The following LACC1 variants were observed in gnomAD, a reference collection of about 807,000 sequenced individuals.
LACC1 encodes the protein laccase domain multifunctional purine nucleosidase 1, also known as purine nucleoside phosphorylase LACC1.
LACC1 carries 25 observed loss-of-function variants against 34.8 expected under a neutral mutation model. That is an observed-to-expected ratio of 0.72 (90% CI 0.52 to 1.00). The LOEUF is 1.00. LACC1 is among the 50% of genes least tolerant of loss of function. The pLI, the probability that LACC1 is intolerant of heterozygous loss-of-function variation, is 0.00. For missense variants in LACC1, 426 were observed against 511.2 expected (o/e 0.83, Z 1.61); for synonymous variants, 162 against 168.0 (o/e 0.96, Z 0.28).
intron 4 of LACC1, among the ~76,000 whole-genome samples, chr13:43,887,974 G>T (rs1241863593): frequency 6.6e-6 from 1 of 152,046 alleles, no homozygotes; most frequent in Non-Finnish European, 1.5e-5. Flanking sequence ...CTGAAATCAG[G>T]AACTCAAAGA....
chr13:43,879,344 C>T (rs12868462), upstream of LACC1: 57,041 of 154,140 alleles, frequency 0.37, 12,867 homozygotes, highest in Non-Finnish European at 0.52. Flanking sequence ...GCCGCCCTAT[C>T]CCTCCTCAAG....
Position 43,892,060 on chromosome 13 carries a change from A to C in LACC1, c.*613A>C, listed in dbSNP as rs1955587719. ...AAACTGAAAGTGCATAACATATTCTAGAGAGAGAAGGGTGTGGGCATGAGT... is the reference window on the plus strand; with the variant it reads ...AAACTGAAAGTGCATAACATATTCTCGAGAGAGAAGGGTGTGGGCATGAGT... On this transcript the variant is annotated 3_prime_UTR_variant, in exon 7 of 7. Transcript: ENST00000325686. The C allele has an allele frequency of 6.6e-6, 1 of 152,050 alleles. No individual in the cohort carries two copies. Among genetic ancestry groups the C allele is most frequent in the African/African-American group, 2.4e-5 (1 of 41,404 alleles). The allele number at this position is 152,050 out of a possible 1,614,324, so 9.4% of individuals were successfully genotyped here.
chr13:43,888,064 T>G (rs1955409650), intron 4 of LACC1, among the ~76,000 whole-genome samples: 1 of 152,122 alleles, frequency 6.6e-6, no homozygotes, highest in African/African-American at 2.4e-5. Flanking sequence ...CATTGGTAGA[T>G]GAATGGATAA....
rs139750683 is a variant in LACC1, at chr13:43,890,972, G to A, written c.*2-477G>A. 4.6e-5 allele frequency among the ~76,000 whole-genome samples: 7 copies of A among 152,312 alleles called. No homozygotes were observed. In the East Asian group the frequency reaches 1.2e-3, roughly 25 times the overall value. ...AAAACTTTGTTTACAAAAATCAGGC[G>A]AGGGAGCCAGGCACAGTGGCCCTGC... On this transcript the variant is annotated intron_variant, in intron 6 of 6. Coordinates refer to ENST00000325686, the MANE Select transcript of LACC1 (RefSeq NM_153218.4).
At chr13:43,886,788 T>C (rs961977211) in intron 4 of LACC1, among the ~76,000 whole-genome samples, 4 of 152,148 alleles carry the variant, frequency 2.6e-5, no homozygotes, top group African/African-American at 9.7e-5. Context: ...CTTTAAAATA[T>C]AATATAATTA....
In LACC1 at chr13:43,890,228, C is replaced by T. The variant is rs749842386; in HGVS notation, c.1248C>T (p.Gly416=). ...PDKFFSHVRD[G]LNFGTQIGFI... is the part of the protein sequence containing the mutation. ...AGTTTTTCTCCCATGTCCGAGATGG[C>T]CTTAATTTTGGTACACAGATTGGCT... The change falls in exon 6 of 7, where the codon GGC becomes GGT. Residue 416 remains glycine, a synonymous_variant. Coordinates refer to ENST00000325686, the MANE Select transcript of LACC1 (RefSeq NM_153218.4). 9.9e-6 allele frequency: 16 copies of T among 1,613,528 alleles called. No individual in the cohort carries two copies.
intron 6 of LACC1, 67 bp from the exon 7 acceptor site, chr13:43,891,382 G>C (rs1231761027): frequency 1.3e-6 from 1 of 773,406 alleles, no homozygotes; most frequent in Non-Finnish European, 1.6e-6. Context: ...TAGACTTCAT[G>C]ACTCTTACCT....
intron 3 of LACC1, among the ~76,000 whole-genome samples, chr13:43,882,564 G>GATATATAT (rs56292789): frequency 0.27 from 36,910 of 138,670 alleles, 5,616 homozygotes; most frequent in Non-Finnish European, 0.35. Context: ...CACACGTGCA[G>GATATATAT]ATATATATAT....
Position 43,889,700 on chromosome 13 carries a change from A to C in LACC1, c.1134-414A>C, listed in dbSNP as rs545758353. Among the ~76,000 whole-genome samples the C allele has an allele frequency of 3.3e-5, 5 of 152,306 alleles. No homozygotes were observed. The East Asian group carries it at 9.7e-4, about 29-fold the overall frequency. On this transcript the variant is annotated intron_variant, in intron 5 of 6. Coordinates refer to ENST00000325686, the MANE Select transcript of LACC1 (RefSeq NM_153218.4). ...ATCATAAAGTGTTCATGGAGAAGCA[A>C]GTTTTCTGAGAAAAATCTGGCTAAT...
Position 43,891,475 on chromosome 13 carries a change from G to T in LACC1, c.*28G>T. 1 of 984,834 alleles carries T rather than the reference G, an allele frequency of 1.0e-6. No individual in the cohort carries two copies. Among genetic ancestry groups the T allele is most frequent in the Non-Finnish European group, 1.2e-6 (1 of 829,336 alleles). The allele number at this position is 984,834 out of a possible 1,614,324, so 61.0% of individuals were successfully genotyped here. A position where few individuals can be genotyped will look rare whatever the true frequency, so the allele number is the denominator to read the frequency against. ...TACTTGACTGGATTTTTGTATAACT[G>T]CTTCCTGCCTCCTTCCAAACTGACT... On this transcript the variant is annotated 3_prime_UTR_variant, in exon 7 of 7. Coordinates refer to ENST00000325686, the MANE Select transcript of LACC1 (RefSeq NM_153218.4).
intron 4 of LACC1, 118 bp from the exon 5 acceptor site, chr13:43,888,639 A>G (rs1181383166): frequency 3.3e-5 from 25 of 761,048 alleles, no homozygotes; most frequent in Non-Finnish European, 5.3e-5. Context: ...GTAATTTATT[A>G]TTTCTGGACT....
At position 43,880,972 on chromosome 13, in the gene LACC1, G is replaced by T. The variant is rs749948778; in HGVS notation, c.-14G>T. The T allele has an allele frequency of 6.3e-7, 1 of 1,598,210 alleles. No homozygotes were observed. The highest frequency in any genetic ancestry group is 8.5e-7 in the Non-Finnish European group (1 of 1,171,744). ...TGCAGGTGATTTATTTGGCATAAAA[G>T]TATTCTTTCAAGGATGGCAGAAGCT... On this transcript the variant is annotated 5_prime_UTR_variant, in exon 2 of 7. Transcript: ENST00000325686.
intron 4 of LACC1, among the ~76,000 whole-genome samples, chr13:43,885,661 G>A (rs931796779): frequency 6.6e-6 from 1 of 151,942 alleles, no homozygotes; most frequent in African/African-American, 2.4e-5. Flanking sequence ...ACCCTAGGAG[G>A]AAACCTAGGA....
At position 43,882,981 on chromosome 13, in the gene LACC1, A is replaced by C. The variant is rs556771836; in HGVS notation, c.741+618A>C. ...CCCTTACACACACACACACGTACTC[A>C]TGCTGGGACCATGTAGACACCCCAA... is the stretch of plus-strand genomic sequence containing the variant. On this transcript the variant is annotated intron_variant, in intron 3 of 6. Coordinates refer to ENST00000325686, the MANE Select transcript of LACC1 (RefSeq NM_153218.4). Among the ~76,000 whole-genome samples, 3 of 152,256 alleles carry C rather than the reference A, an allele frequency of 2.0e-5. No homozygotes were observed. The South Asian group carries it at 6.2e-4, about 32-fold the overall frequency.
At chr13:43,879,770 G>GGCGAGGTGA (rs1566960750), upstream of LACC1, 24 of 98,982 alleles carry the variant, frequency 2.4e-4, no homozygotes, top group African/African-American at 8.9e-4. Context: ...TGGGCGAGGG[G>GGCGAGGTGA]GGCGAGGTGA....
Position 43,893,465 on chromosome 13 carries a change from C to T in LACC1, c.*2018C>T, listed in dbSNP as rs535152749. 13 of 151,944 alleles carry T rather than the reference C, an allele frequency of 8.6e-5. No homozygotes were observed. The highest frequency in any genetic ancestry group is 5.9e-5 in the Non-Finnish European group (4 of 67,844). 9.4% of individuals were successfully genotyped at this position (151,944 alleles called of 1,614,324 possible). A position where few individuals can be genotyped will look rare whatever the true frequency, so the allele number is the denominator to read the frequency against. ...TTTTTGTTAACATAATTTATTCATA[C>T]ATTCAGTGAAAATTTTGTTGAGGTA... On this transcript the variant is annotated 3_prime_UTR_variant, in exon 7 of 7. Transcript: ENST00000325686.
chr13:43,890,598 GT>G (rs1955532458), intron 6 of LACC1, among the ~76,000 whole-genome samples: 1 of 152,116 alleles, frequency 6.6e-6, no homozygotes, highest in Non-Finnish European at 1.5e-5. Flanking sequence ...CTTTAAAAAG[GT>G]ATGTAAGTAT....
At position 43,892,369 on chromosome 13, in the gene LACC1, A is replaced by C. The variant is rs1249443095; in HGVS notation, c.*922A>C. 1 of 152,054 alleles carries C rather than the reference A, an allele frequency of 6.6e-6. No individual in the cohort carries two copies. Among genetic ancestry groups the C allele is most frequent in the Non-Finnish European group, 1.5e-5 (1 of 67,968 alleles). 9.4% of individuals were successfully genotyped at this position (152,054 alleles called of 1,614,324 possible). The stretch of plus-strand genomic sequence containing the variant: ...AAATAGGGAAGAGAGTAGATGGATT[A>C]GAGAGACATTTAAGAGATGGAATCA... On this transcript the variant is annotated 3_prime_UTR_variant, in exon 7 of 7. Transcript: ENST00000325686.
chr13:43,889,644 C>G (rs773317999), intron 5 of LACC1, among the ~76,000 whole-genome samples: 7 of 152,094 alleles, frequency 4.6e-5, no homozygotes, highest in Non-Finnish European at 2.9e-5. Flanking sequence ...CTTTTAAAAT[C>G]AAGTATCACT....
Sources: gnomAD v4.1 joint callset for allele counts (sites outside exome capture counted in the v4.1 genomes callset) on GRCh38, gnomAD v4.1.1 for gene constraint, MANE v1.5 for transcripts, NCBI Gene and HGNC (gene_info 2026-07-23, HGNC 2026-07-21) for gene names.